The following TSC22D1 variants were observed in gnomAD, a reference collection of about 807,000 sequenced individuals.
TSC22D1 encodes the protein TSC22 domain family member 1, also known as TSC22 domain family protein 1.
TSC22D1 carries 9 observed loss-of-function variants against 74.2 expected under a neutral mutation model. That is an observed-to-expected ratio of 0.12 (90% CI 0.07 to 0.21). The LOEUF (loss-of-function observed/expected upper bound fraction) is 0.21, where lower values mean the gene tolerates loss of function less well. Among genes scored for constraint, TSC22D1 ranks in the 10% least tolerant of loss-of-function variants. The pLI, the probability that TSC22D1 is intolerant of heterozygous loss-of-function variation, is 1.00. For missense variants in TSC22D1, 1,427 were observed against 1,304.7 expected (o/e 1.09, Z -1.44); for synonymous variants, 586 against 492.5 (o/e 1.19, Z -2.51).
chr13:44,515,765 A>G (rs770920003), intron 1 of TSC22D1, among the ~76,000 whole-genome samples: 1 of 152,166 alleles, frequency 6.6e-6, no homozygotes, highest in African/African-American at 2.4e-5. Context: ...AATTGCATGA[A>G]TATGTATATA....
intron 1 of TSC22D1, among the ~76,000 whole-genome samples, chr13:44,455,465 C>T (rs1876509374): frequency 2.0e-5 from 3 of 152,184 alleles, no homozygotes; most frequent in Admixed American, 2.0e-4. Flanking sequence ...GTACACGGTG[C>T]ATTTAAGAAA....
intron 1 of TSC22D1, among the ~76,000 whole-genome samples, chr13:44,509,951 A>AAAAAAAAAAAAAAAAAAAC (rs1879626273): frequency 2.6e-5 from 1 of 37,750 alleles, no homozygotes; most frequent in Non-Finnish European, 4.8e-5. Context: ...GAAAATAAGC[A>AAAAAAAAAAAAAAAAAAAC]AAAAAAAAAA....
chr13:44,492,073 G>A (rs756996240), intron 1 of TSC22D1, among the ~76,000 whole-genome samples: 4 of 152,122 alleles, frequency 2.6e-5, no homozygotes, highest in Non-Finnish European at 5.9e-5. Context: ...GTACATTCAC[G>A]TCTAAGTTTC....
chr13:44,479,174 C>A (rs1487685141), intron 1 of TSC22D1, among the ~76,000 whole-genome samples: 2 of 152,156 alleles, frequency 1.3e-5, no homozygotes, highest in Non-Finnish European at 2.9e-5. Flanking sequence ...GAATCAGCAA[C>A]CCTAACCTTT....
At chr13:44,491,210 G>T (rs905639536) in intron 1 of TSC22D1, among the ~76,000 whole-genome samples, 2 of 151,400 alleles carry the variant, frequency 1.3e-5, no homozygotes, top group Non-Finnish European at 2.9e-5. Context: ...AATGTGAAAA[G>T]GCATACCACA....
At position 44,575,370 on chromosome 13, in the gene TSC22D1, A is replaced by C. The variant is rs769256217; in HGVS notation, c.705T>G (p.Gly235=). Residue 235 remains glycine, a synonymous_variant, in exon 1 of 3, where the codon GGT becomes GGG. Transcript: ENST00000458659. ...CAGCAACATGAGATGGATGGTGGTG[A>C]CCATGTTGGAGGTGGTGCCCATGAT... ...QIHHGHHLQH[G]HHHPSHVAVA... is the part of the protein sequence containing the mutation. 6 of 1,613,996 alleles carry C rather than the reference A, an allele frequency of 3.7e-6. No homozygotes were observed. In the African/African-American group the frequency reaches 5.3e-5, roughly 14 times the overall value.
intron 1 of TSC22D1, chr13:44,452,821 TGGTAA>T (rs997020376): frequency 3.3e-5 from 5 of 152,250 alleles, no homozygotes; most frequent in African/African-American, 1.2e-4. Context: ...TCTAGAAAGC[TGGTAA>T]GGTAAGTGCT....
At chr13:44,512,209 G>A (rs1024624666) in intron 1 of TSC22D1, among the ~76,000 whole-genome samples, 9 of 151,600 alleles carry the variant, frequency 5.9e-5, no homozygotes, top group Admixed American at 5.9e-4. Flanking sequence ...TTGCTCTTTC[G>A]CCCAGGCCGG....
chr13:44,458,815 A>G (rs9533859), intron 1 of TSC22D1, among the ~76,000 whole-genome samples: 15,084 of 151,794 alleles, frequency 0.099, 782 homozygotes, highest in Non-Finnish European at 0.11. Context: ...AGCCACCCCT[A>G]CTCTGCCTCG....
At chr13:44,465,981 A>AACAG (rs1401080553) in intron 1 of TSC22D1, among the ~76,000 whole-genome samples, 2 of 151,712 alleles carry the variant, frequency 1.3e-5, no homozygotes, top group African/African-American at 4.8e-5. Flanking sequence ...CTCAAGAAAA[A>AACAG]ACAAACAAAC....
At chr13:44,535,152 C>T (rs1881070315) in intron 1 of TSC22D1, among the ~76,000 whole-genome samples, 1 of 152,088 alleles carries the variant, frequency 6.6e-6, no homozygotes. Flanking sequence ...TATCTGAAAA[C>T]CCAAGGATAC....
At chr13:44,538,894 C>T (rs1174924621) in intron 1 of TSC22D1, 1 of 985,200 alleles carries the variant, frequency 1.0e-6, no homozygotes, top group Non-Finnish European at 1.2e-6. Context: ...GAAATCTGGG[C>T]AATTAAAGAA....
chr13:44,546,344 T>C (rs1413906150), intron 1 of TSC22D1, among the ~76,000 whole-genome samples: 1 of 152,168 alleles, frequency 6.6e-6, no homozygotes, highest in African/African-American at 2.4e-5. Context: ...CTTAACCAAA[T>C]GATCAAGATG....
chr13:44,536,958 A>AAC, intron 1 of TSC22D1: 1 of 956,664 alleles, frequency 1.0e-6, no homozygotes, highest in African/African-American at 1.9e-5. Flanking sequence ...AAAAAAAAAA[A>AAC]ACAAAAAAAA....
At chr13:44,473,298 C>A (rs1166388768) in intron 1 of TSC22D1, among the ~76,000 whole-genome samples, 2 of 152,052 alleles carry the variant, frequency 1.3e-5, no homozygotes, top group Non-Finnish European at 2.9e-5. Flanking sequence ...AGTTTGAGAC[C>A]AGCCTGAGCA....
At chr13:44,549,592 G>A (rs978555155) in intron 1 of TSC22D1, among the ~76,000 whole-genome samples, 4 of 151,860 alleles carry the variant, frequency 2.6e-5, no homozygotes, top group Non-Finnish European at 5.9e-5. Context: ...AAGCAACATG[G>A]TGAAATCCTA....
chr13:44,433,953 A>G lies in TSC22D1; in HGVS notation c.*673T>C, dbSNP rs997209729. The stretch of plus-strand genomic sequence containing the variant: ...TAGTAGTTACAGTCCTCTATTGTAC[A>G]AAATAGTTACACTACATACACAAAT... On this transcript the variant is annotated 3_prime_UTR_variant, in exon 3 of 3. Coordinates refer to ENST00000458659, the MANE Select transcript of TSC22D1 (RefSeq NM_183422.4). The G allele has an allele frequency of 2.0e-6, 3 of 1,528,974 alleles. No homozygotes were observed. The highest frequency in any genetic ancestry group is 2.0e-5 in the Admixed American group (1 of 48,930). 94.7% of individuals were successfully genotyped at this position (1,528,974 alleles called of 1,614,324 possible).
At chr13:44,479,938 C>T (rs933782791) in intron 1 of TSC22D1, among the ~76,000 whole-genome samples, 1 of 152,158 alleles carries the variant, frequency 6.6e-6, no homozygotes, top group Non-Finnish European at 1.5e-5. Flanking sequence ...TCAAGGACTG[C>T]TGTATGAAAA....
At chr13:44,513,432 GTTT>G (rs997628503) in intron 1 of TSC22D1, among the ~76,000 whole-genome samples, 11 of 152,016 alleles carry the variant, frequency 7.2e-5, no homozygotes, top group Non-Finnish European at 1.5e-4. Context: ...GAAATGATAG[GTTT>G]TTGTCATGTA....
Sources: gnomAD v4.1 joint callset for allele counts (sites outside exome capture counted in the v4.1 genomes callset) on GRCh38, gnomAD v4.1.1 for gene constraint, MANE v1.5 for transcripts, NCBI Gene and HGNC (gene_info 2026-07-23, HGNC 2026-07-21) for gene names.